Variants in SPAG16 observed in about 807,000 individuals in gnomAD.
SPAG16 encodes sperm-associated antigen 16 protein.
In SPAG16, 86 loss-of-function variants were observed where a neutral mutation model predicts 80.4. The ratio of observed to expected loss-of-function variants is 1.07; its 90% CI spans 0.90 to 1.28. The LOEUF (loss-of-function observed/expected upper bound fraction) is 1.28, where lower values mean the gene tolerates loss of function less well. Among genes scored for constraint, SPAG16 ranks in the 50% most tolerant of loss-of-function variants. SPAG16 has a pLI of 0.00. For missense variants in SPAG16, 870 were observed against 765.3 expected, an observed-to-expected ratio of 1.14 and a Z score of -1.61; for synonymous variants, 294 against 265.9, an observed-to-expected ratio of 1.11 and a Z score of -1.03.
Position 213,548,755 on chromosome 2 carries a change from G to C in SPAG16, c.1070+58665G>C, listed in dbSNP as rs144425552. On this transcript the variant is annotated intron_variant, in intron 10 of 15. Transcript: ENST00000331683. Reference sequence around the variant, plus strand: ...GTATGAGATAATTTATTTTTGTATGGTATAAACTTTAAATATTTTCCCATT... The same window carrying C: ...GTATGAGATAATTTATTTTTGTATGCTATAAACTTTAAATATTTTCCCATT... Among the ~76,000 whole-genome samples, 1,198 of 151,842 alleles carry C rather than the reference G, an allele frequency of 7.9e-3. 15 individuals carry two copies. The highest frequency in any genetic ancestry group is 0.028 in the African/African-American group (1,150 of 41,400).
At position 213,494,740 on chromosome 2, in the gene SPAG16, T is replaced by A. The variant is rs147250523; in HGVS notation, c.1070+4650T>A. 2.0e-5 allele frequency among the ~76,000 whole-genome samples: 3 copies of A among 152,268 alleles called. No individual in the cohort carries two copies. In the East Asian group the frequency reaches 5.8e-4, roughly 29 times the overall value. On this transcript the variant is annotated intron_variant, in intron 10 of 15. Transcript: ENST00000331683. ...CTTGTTGAAAAAATAAAACCCAAAC[T>A]TACTACTGTGTGGCCTTTGCAAGAT...
chr2:213,339,094 A>G (rs1427159284), intron 5 of SPAG16, among the ~76,000 whole-genome samples: 4 of 152,112 alleles, frequency 2.6e-5, no homozygotes, highest in Admixed American at 2.0e-4. Context: ...CATATGCCTC[A>G]TGTAATTTGA....
intron 15 of SPAG16, among the ~76,000 whole-genome samples, chr2:214,381,017 T>C (rs931850808): frequency 6.6e-6 from 1 of 152,242 alleles, no homozygotes; most frequent in Non-Finnish European, 1.5e-5. Flanking sequence ...TCCTGCTGCA[T>C]GTATTAAAAC....
chr2:213,694,345 C>T (rs1318779996), intron 10 of SPAG16, among the ~76,000 whole-genome samples: 2 of 152,158 alleles, frequency 1.3e-5, no homozygotes, highest in African/African-American at 4.8e-5. Flanking sequence ...TACTTCCTCC[C>T]TTATTCAGAG....
intron 15 of SPAG16, among the ~76,000 whole-genome samples, chr2:214,327,488 A>G (rs1285483490): frequency 6.6e-6 from 1 of 152,230 alleles, no homozygotes; most frequent in Non-Finnish European, 1.5e-5. Flanking sequence ...GGCCATTACT[A>G]TCTAGCAACA....
At chr2:213,602,428 T>A (rs2124978447) in intron 10 of SPAG16, among the ~76,000 whole-genome samples, 1 of 151,784 alleles carries the variant, frequency 6.6e-6, no homozygotes, top group Middle Eastern at 3.4e-3. Flanking sequence ...GGTCAAGAGA[T>A]CAAGACCATC....
chr2:214,046,510 G>A (rs558016095), intron 13 of SPAG16, among the ~76,000 whole-genome samples: 13 of 152,268 alleles, frequency 8.5e-5, no homozygotes, highest in African/African-American at 3.1e-4. Context: ...TCATGAACAA[G>A]TAGGATTTGT....
chr2:213,418,031 A>G (rs2069366447), intron 9 of SPAG16, among the ~76,000 whole-genome samples: 1 of 151,728 alleles, frequency 6.6e-6, no homozygotes, highest in African/African-American at 2.4e-5. Context: ...GCTCCATCAC[A>G]CCCAGCTAAT....
chr2:213,985,704 G>A (rs554023947), intron 12 of SPAG16, among the ~76,000 whole-genome samples: 17 of 152,206 alleles, frequency 1.1e-4, no homozygotes, highest in African/African-American at 3.4e-4. Context: ...CACTCTTAGG[G>A]TGTGTGGGCA....
At chr2:213,333,189 A>G (rs2064184777) in intron 5 of SPAG16, among the ~76,000 whole-genome samples, 1 of 152,182 alleles carries the variant, frequency 6.6e-6, no homozygotes, top group African/African-American at 2.4e-5. Flanking sequence ...ACATACAAAA[A>G]TCAGTAGCAT....
intron 15 of SPAG16, among the ~76,000 whole-genome samples, chr2:214,158,426 A>C (rs1296351062): frequency 5.9e-5 from 9 of 152,034 alleles, no homozygotes. Flanking sequence ...CAGCAAGACT[A>C]AATTGTTATT....
intron 15 of SPAG16, among the ~76,000 whole-genome samples, chr2:214,394,353 CTG>C (rs1480529306): frequency 6.6e-6 from 1 of 151,984 alleles, no homozygotes; most frequent in Non-Finnish European, 1.5e-5. Context: ...GTGTACAAAT[CTG>C]AGTTATTTCA....
At chr2:214,121,772 A>G (rs2125457841) in intron 14 of SPAG16, among the ~76,000 whole-genome samples, 1 of 151,980 alleles carries the variant, frequency 6.6e-6, no homozygotes, top group Non-Finnish European at 1.5e-5. Flanking sequence ...GTGTACACAA[A>G]CTTTGTTTCA....
chr2:213,737,710 G>A (rs889749129), intron 10 of SPAG16, among the ~76,000 whole-genome samples: 3 of 151,940 alleles, frequency 2.0e-5, no homozygotes, highest in Non-Finnish European at 2.9e-5. Context: ...GGATGGTCTC[G>A]ATCTCCTGAC....
Position 214,090,170 on chromosome 2 carries a change from T to A in SPAG16, c.1528-18026T>A, listed in dbSNP as rs559870724. On this transcript the variant is annotated intron_variant, in intron 13 of 15. Transcript: ENST00000331683. The stretch of plus-strand genomic sequence containing the variant: ...ATGGAGATATGAAGTGTGATGATGG[T>A]GATAAAGGAGAATGAACAAAGAGAA... Among the ~76,000 whole-genome samples the A allele has an allele frequency of 5.3e-5, 8 of 151,548 alleles. No individual in the cohort carries two copies. The East Asian group carries it at 1.6e-3, about 30-fold the overall frequency.
intron 15 of SPAG16, among the ~76,000 whole-genome samples, chr2:214,270,902 T>G (rs1370818593): frequency 6.6e-6 from 1 of 152,176 alleles, no homozygotes; most frequent in Admixed American, 6.5e-5. Flanking sequence ...AGTAGCTGTC[T>G]TCTAAAACAA....
intron 12 of SPAG16, among the ~76,000 whole-genome samples, chr2:213,959,870 T>C (rs568282318): frequency 6.6e-6 from 1 of 152,344 alleles, no homozygotes; most frequent in South Asian, 2.1e-4. Flanking sequence ...GTGGCTGTTT[T>C]GGTTTATGAG....
At chr2:213,960,260 G>A (rs1006461504) in intron 12 of SPAG16, among the ~76,000 whole-genome samples, 1 of 151,778 alleles carries the variant, frequency 6.6e-6, no homozygotes, top group African/African-American at 2.4e-5. Flanking sequence ...GTTCAACATT[G>A]TTTTTTGTTT....
intron 9 of SPAG16, among the ~76,000 whole-genome samples, chr2:213,466,267 C>A (rs2072690496): frequency 6.6e-6 from 1 of 152,200 alleles, no homozygotes; most frequent in Admixed American, 6.5e-5. Context: ...CCTATTAGTT[C>A]TGTCCCTCTA....
Sources: gnomAD v4.1 joint callset for allele counts (sites outside exome capture counted in the v4.1 genomes callset) on GRCh38, gnomAD v4.1.1 for gene constraint, MANE v1.5 for transcripts, NCBI Gene and HGNC (gene_info 2026-07-23, HGNC 2026-07-21) for gene names.